The following EHMT1 variants were observed in gnomAD, a reference collection of about 807,000 sequenced individuals.
EHMT1 encodes histone-lysine N-methyltransferase EHMT1.
EHMT1 carries 15 observed loss-of-function variants against 147.2 expected under a neutral mutation model. That is an observed-to-expected ratio of 0.10 (90% CI 0.07 to 0.16). The LOEUF (loss-of-function observed/expected upper bound fraction) is 0.16, where lower values mean the gene tolerates loss of function less well. EHMT1 is among the 10% of genes least tolerant of loss of function. The pLI is 1.00. For synonymous variants in EHMT1, 795 were observed against 709.6 expected (o/e 1.12, Z -1.91); for missense variants, 1,587 against 1,772.4 (o/e 0.90, Z 1.88).
intron 1 of EHMT1, among the ~76,000 whole-genome samples, chr9:137,671,528 T>C (rs557360956): frequency 6.8e-6 from 1 of 148,114 alleles, no homozygotes; most frequent in East Asian, 2.0e-4. Context: ...TTCTTTTTTT[T>C]TTTTTTTTTT....
chr9:137,742,488 G>C (rs922155601), intron 4 of EHMT1, among the ~76,000 whole-genome samples: 2 of 152,048 alleles, frequency 1.3e-5, no homozygotes, highest in Non-Finnish European at 2.9e-5. Flanking sequence ...CATCCCTTTA[G>C]GAGAGTTTCT....
chr9:137,826,241 CTG>C, intron 25 of EHMT1, among the ~76,000 whole-genome samples: 1 of 152,338 alleles, frequency 6.6e-6, no homozygotes, highest in East Asian at 1.9e-4. Flanking sequence ...TCTGGCATCT[CTG>C]TAGGTCTGTT....
At chr9:137,686,883 A>C (rs904302560) in intron 1 of EHMT1, among the ~76,000 whole-genome samples, 1 of 151,744 alleles carries the variant, frequency 6.6e-6, no homozygotes, top group African/African-American at 2.4e-5. Flanking sequence ...GGCGCCCGCC[A>C]CCGCGCCCAG....
intron 25 of EHMT1, among the ~76,000 whole-genome samples, chr9:137,824,715 A>G (rs536179370): frequency 1.2e-4 from 19 of 152,254 alleles, no homozygotes; most frequent in Admixed American, 1.2e-3. Flanking sequence ...GTTTTGTTAA[A>G]TGTATTCCTA....
At position 137,834,164 on chromosome 9, in the gene EHMT1, C is replaced by T. The variant is rs1008766422; in HGVS notation, c.3541-185C>T. On this transcript the variant is annotated intron_variant, in intron 25 of 26. Coordinates refer to ENST00000460843, the MANE Select transcript of EHMT1 (RefSeq NM_024757.5). ...CGGCAGGGTGCGGGGTGGGTGGCCA[C>T]ACAGCGAGGAGAAGGCTGGCGGAGG... 6.6e-6 allele frequency: 5 copies of T among 757,858 alleles called. No homozygotes were observed. In the African/African-American group the frequency reaches 7.0e-5, roughly 11 times the overall value. The allele number at this position is 757,858 out of a possible 1,614,324, so 46.9% of individuals were successfully genotyped here.
At chr9:137,683,578 G>A (rs1388917002) in intron 1 of EHMT1, among the ~76,000 whole-genome samples, 1 of 152,228 alleles carries the variant, frequency 6.6e-6, no homozygotes, top group Non-Finnish European at 1.5e-5. Flanking sequence ...GCACCATCAT[G>A]ACTGGCTATG....
chr9:137,623,543 T>C (rs1032604581), intron 1 of EHMT1, among the ~76,000 whole-genome samples: 1 of 151,958 alleles, frequency 6.6e-6, no homozygotes, highest in African/African-American at 2.4e-5. Flanking sequence ...GCCTCCCAAG[T>C]AGCTGGGATT....
chr9:137,693,115 T>C (rs1379282011), intron 1 of EHMT1, among the ~76,000 whole-genome samples: 1 of 151,904 alleles, frequency 6.6e-6, no homozygotes, highest in African/African-American at 2.4e-5. Context: ...AAAGAGCAGG[T>C]TAATTGTTAA....
chr9:137,822,572 T>G (rs1955499200), intron 25 of EHMT1, among the ~76,000 whole-genome samples: 1 of 152,080 alleles, frequency 6.6e-6, no homozygotes, highest in South Asian at 2.1e-4. Context: ...TGCCATCCTT[T>G]TACTTCTTTT....
At chr9:137,687,998 A>G (rs1942606888) in intron 1 of EHMT1, among the ~76,000 whole-genome samples, 1 of 152,028 alleles carries the variant, frequency 6.6e-6, no homozygotes, top group Admixed American at 6.6e-5. Flanking sequence ...ACTTGTTTTG[A>G]TAAATTTATT....
intron 1 of EHMT1, among the ~76,000 whole-genome samples, chr9:137,708,465 T>C (rs962616608): frequency 6.6e-6 from 1 of 152,232 alleles, no homozygotes; most frequent in Non-Finnish European, 1.5e-5. Context: ...TTTTGAATAT[T>C]AGGCACTGGG....
chr9:137,727,671 G>A (rs574851615), intron 3 of EHMT1, among the ~76,000 whole-genome samples: 12 of 152,236 alleles, frequency 7.9e-5, no homozygotes, highest in Non-Finnish European at 1.5e-4. Flanking sequence ...TCACAGGTCT[G>A]TAGGTGACGA....
chr9:137,669,885 C>T (rs1049479170), intron 1 of EHMT1, among the ~76,000 whole-genome samples: 1 of 152,124 alleles, frequency 6.6e-6, no homozygotes, highest in African/African-American at 2.4e-5. Context: ...GAGTCTTGCT[C>T]TGTCGCCCAG....
At chr9:137,797,601 A>T (rs139482216) in intron 16 of EHMT1, among the ~76,000 whole-genome samples, 27 of 152,318 alleles carry the variant, frequency 1.8e-4, no homozygotes, top group Non-Finnish European at 3.2e-4. Flanking sequence ...ACAACCATGC[A>T]TCATTTTGTA....
intron 1 of EHMT1, chr9:137,641,194 G>T (rs1361337176): frequency 7.2e-6 from 3 of 418,128 alleles, no homozygotes; most frequent in Non-Finnish European, 1.4e-5. Context: ...ACCAGGTGAA[G>T]AACCTGTCTG....
intron 18 of EHMT1, among the ~76,000 whole-genome samples, chr9:137,810,518 T>C (rs1377154776): frequency 6.6e-6 from 1 of 152,250 alleles, no homozygotes; most frequent in Non-Finnish European, 1.5e-5. Context: ...TTTCTTATGT[T>C]TACCGTTCAT....
chr9:137,726,267 C>T (rs1460140540), intron 3 of EHMT1, among the ~76,000 whole-genome samples: 1 of 152,274 alleles, frequency 6.6e-6, no homozygotes, highest in Non-Finnish European at 1.5e-5. Flanking sequence ...CCTTTAAACA[C>T]TGACTTCCCA....
intron 13 of EHMT1, among the ~76,000 whole-genome samples, chr9:137,778,641 G>A (rs550943905): frequency 3.9e-5 from 6 of 152,196 alleles, no homozygotes; most frequent in African/African-American, 9.6e-5. Flanking sequence ...GGCCCTGCTC[G>A]CTGACCAGAC....
At chr9:137,680,209 C>G (rs1173011598) in intron 1 of EHMT1, among the ~76,000 whole-genome samples, 1 of 152,106 alleles carries the variant, frequency 6.6e-6, no homozygotes, top group Non-Finnish European at 1.5e-5. Flanking sequence ...TGCGGTGGCT[C>G]ACACCCATAA....
Sources: allele counts gnomAD v4.1 joint callset (sites outside exome capture counted in the v4.1 genomes callset), GRCh38; gene constraint gnomAD v4.1.1; transcripts MANE v1.5; gene names NCBI Gene and HGNC (gene_info 2026-07-23, HGNC 2026-07-21).